The following SLC12A7 variants were observed in gnomAD, a reference collection of about 807,000 sequenced individuals.
The protein encoded by SLC12A7 is solute carrier family 12 member 7, also known as K-Cl cotransporter 4.
In SLC12A7, 100 loss-of-function variants were observed where a neutral mutation model predicts 120.6. The observed-to-expected ratio is 0.83, with a 90% CI of 0.71 to 0.98. The LOEUF is 0.98. Among genes scored for constraint, SLC12A7 ranks in the 50% least tolerant of loss-of-function variants. SLC12A7 has a pLI of 0.00. For missense variants in SLC12A7, 1,373 were observed against 1,548.1 expected, an observed-to-expected ratio of 0.89 and a Z score of 1.90; for synonymous variants, 760 against 678.0, an observed-to-expected ratio of 1.12 and a Z score of -1.88.
chr5:1,140,485 C>T, the SLC12A7 span, among the ~76,000 whole-genome samples: 1 of 109,986 alleles, frequency 9.1e-6, no homozygotes, highest in Non-Finnish European at 1.7e-5. Flanking sequence ...GAGTGGGTGC[C>T]CCCTGCTGGT....
chr5:1,078,271 C>T lies in SLC12A7; in HGVS notation c.1455-264G>A, dbSNP rs539984588. ...TGGGAGCAGGGAAGACCCAGCCTGG[C>T]ATCAGCTTCAGTCAGGGACCACCCA... On this transcript the variant is annotated intron_variant, in intron 11 of 23. Transcript: ENST00000264930. Among the ~76,000 whole-genome samples the T allele has an allele frequency of 5.9e-5, 9 of 152,224 alleles. No homozygotes were observed. In the East Asian group the frequency reaches 1.7e-3, roughly 29 times the overall value.
intron 1 of SLC12A7, among the ~76,000 whole-genome samples, chr5:1,102,633 G>A (rs1004488673): frequency 3.3e-5 from 5 of 152,154 alleles, no homozygotes; most frequent in Admixed American, 6.5e-5. Context: ...GGGTGGCACC[G>A]GACCTGTGCA....
chr5:1,117,899 G>A, the SLC12A7 span, among the ~76,000 whole-genome samples: 7 of 152,226 alleles, frequency 4.6e-5, no homozygotes, highest in African/African-American at 1.7e-4. This position sits in a 1 kb window ranked among gnomAD's most constrained non-coding sequence, Gnocchi z 4.5. Flanking sequence ...GTGAAACCCC[G>A]TCTCTACTAA....
the SLC12A7 span, among the ~76,000 whole-genome samples, chr5:1,154,354 AACACACACAC>A: frequency 4.9e-5 from 7 of 141,810 alleles, no homozygotes; most frequent in South Asian, 2.4e-4. Context: ...TGGTGTCCGC[AACACACACAC>A]ACACACACAC....
At chr5:1,065,605 G>A (rs1736967497) in intron 17 of SLC12A7, 127 bp from the exon 18 acceptor site, 2 of 722,904 alleles carry the variant, frequency 2.8e-6, no homozygotes, top group Admixed American at 3.1e-5. Flanking sequence ...AAGGCCCGAA[G>A]GCTCAACGGT....
intron 12 of SLC12A7, 33 bp downstream of exon 12, chr5:1,077,800 C>T: frequency 6.5e-7 from 1 of 1,534,576 alleles, no homozygotes; most frequent in Non-Finnish European, 8.8e-7. Context: ...CCCTGACCTT[C>T]CAGGGTCCCC....
chr5:1,075,274 C>T (rs1738196431), intron 15 of SLC12A7, 97 bp downstream of exon 15: 7 of 1,501,710 alleles, frequency 4.7e-6, no homozygotes, highest in Middle Eastern at 3.6e-4. Flanking sequence ...ACGCTCAAGC[C>T]CCAGGGAGGC....
the SLC12A7 span, among the ~76,000 whole-genome samples, chr5:1,138,288 C>A: frequency 1.3e-5 from 2 of 152,138 alleles, no homozygotes; most frequent in African/African-American, 4.8e-5. Flanking sequence ...GGCTTTTATT[C>A]CCTTATTTGA....
intron 9 of SLC12A7, among the ~76,000 whole-genome samples, 186 bp from the exon 10 acceptor site, chr5:1,079,682 G>A (rs1348557613): frequency 6.6e-6 from 1 of 152,182 alleles, no homozygotes; most frequent in Non-Finnish European, 1.5e-5. Flanking sequence ...GCGGGCCCAG[G>A]CACGCGGATG....
Position 1,073,720 on chromosome 5 carries a change from C to A in SLC12A7, c.2154G>T (p.Leu718=). 1 of 1,580,296 alleles carries A rather than the reference C, an allele frequency of 6.3e-7. No homozygotes were observed. Among genetic ancestry groups the A allele is most frequent in the Non-Finnish European group, 8.6e-7 (1 of 1,161,238 alleles). Reference sequence around the variant, plus strand: ...CGATGGTCAGGCCCTTGCCGGCCTTCAGCTGCGACGTGAAGGACAGCAGGC... The same window carrying A: ...CGATGGTCAGGCCCTTGCCGGCCTTAAGCTGCGACGTGAAGGACAGCAGGC... ...HPRLLSFTSQ[L]KAGKGLTIVG... is the part of the protein sequence containing the mutation. The change falls in exon 17 of 24, where the codon CTG becomes CTT. Residue 718 remains leucine (L), a synonymous_variant. Coordinates refer to ENST00000264930, the MANE Select transcript of SLC12A7 (RefSeq NM_006598.3).
At chr5:1,127,403 G>A in the SLC12A7 span, among the ~76,000 whole-genome samples, 3 of 152,220 alleles carry the variant, frequency 2.0e-5, no homozygotes, top group African/African-American at 7.2e-5. Flanking sequence ...TGAGGCGATG[G>A]GGCCACAGAC....
intron 10 of SLC12A7, among the ~76,000 whole-genome samples, chr5:1,079,110 G>GTT (rs1738703773): frequency 6.6e-6 from 1 of 152,174 alleles, no homozygotes; most frequent in Non-Finnish European, 1.5e-5. Flanking sequence ...GGCCCCGCGG[G>GTT]CCCAGCCTGC....
the SLC12A7 span, among the ~76,000 whole-genome samples, chr5:1,117,189 G>A: frequency 6.6e-6 from 1 of 152,166 alleles, no homozygotes; most frequent in East Asian, 1.9e-4. The surrounding 1 kb of genome is among the most constrained non-coding windows in gnomAD (Gnocchi z 4.5). Flanking sequence ...GCTGGGGTGA[G>A]CTGGGCCTGG....
chr5:1,075,011 G>A (rs1738168047), intron 15 of SLC12A7, among the ~76,000 whole-genome samples: 1 of 152,188 alleles, frequency 6.6e-6, no homozygotes, highest in Non-Finnish European at 1.5e-5. Context: ...GTGGGTGCTG[G>A]GGCACGGGGA....
chr5:1,060,102 G>A (rs915152198), intron 21 of SLC12A7, among the ~76,000 whole-genome samples: 2 of 152,200 alleles, frequency 1.3e-5, no homozygotes, highest in Admixed American at 6.5e-5. Context: ...GCAGGCTGCC[G>A]TTCCTCTAAC....
the SLC12A7 span, among the ~76,000 whole-genome samples, chr5:1,117,920 A>G: frequency 3.3e-5 from 5 of 152,118 alleles, no homozygotes; most frequent in Admixed American, 6.6e-5. The surrounding 1 kb of genome is among the most constrained non-coding windows in gnomAD (Gnocchi z 4.5). Flanking sequence ...AAATACACAC[A>G]AAAACATTAG....
At chr5:1,099,115 G>A (rs1056391107) in intron 1 of SLC12A7, among the ~76,000 whole-genome samples, 1 of 152,090 alleles carries the variant, frequency 6.6e-6, no homozygotes, top group African/African-American at 2.4e-5. Flanking sequence ...CTGCCCAGGC[G>A]CCATGCACCA....
chr5:1,061,058 G>A (rs368512517), intron 20 of SLC12A7, among the ~76,000 whole-genome samples: 3,667 of 113,940 alleles, frequency 0.032, 90 homozygotes, highest in African/African-American at 0.13. Context: ...AGTCTCACCC[G>A]CCGCACCCGC....
intron 1 of SLC12A7, among the ~76,000 whole-genome samples, chr5:1,096,527 G>A (rs1741148674): frequency 6.6e-6 from 1 of 151,736 alleles, no homozygotes; most frequent in Non-Finnish European, 1.5e-5. Context: ...AATGGTTTCA[G>A]TGGATTCCTG....
Sources: gnomAD v4.1 joint callset for allele counts (sites outside exome capture counted in the v4.1 genomes callset) on GRCh38, gnomAD v4.1.1 for gene constraint, Gnocchi (gnomAD v3.1) non-coding constraint, MANE v1.5 for transcripts, NCBI Gene and HGNC (gene_info 2026-07-23, HGNC 2026-07-21) for gene names.